OPCML: variants seen among roughly 807,000 people sequenced by gnomAD.
The protein encoded by OPCML is opioid-binding protein/cell adhesion molecule.
Under a neutral mutation model 37.8 loss-of-function variants are expected in OPCML, and 13 were observed. The observed-to-expected ratio is 0.34, with a 90% CI of 0.22 to 0.55. The LOEUF is 0.55. OPCML is among the 20% of genes least tolerant of loss of function. OPCML has a pLI of 0.91. For missense variants in OPCML, 341 were observed against 435.6 expected (o/e 0.78, Z 1.93); for synonymous variants, 176 against 168.8 (o/e 1.04, Z -0.33).
chr11:133,166,185 T>C (rs1950205671), intron 1 of OPCML, among the ~76,000 whole-genome samples: 2 of 152,184 alleles, frequency 1.3e-5, no homozygotes, highest in Non-Finnish European at 2.9e-5. Context: ...GAATGACCAA[T>C]GCCTACAAGA....
chr11:132,506,533 C>T (rs1940405), intron 4 of OPCML, among the ~76,000 whole-genome samples: 30,425 of 151,888 alleles, frequency 0.2, 3,141 homozygotes, highest in Non-Finnish European at 0.22. Context: ...CATGTAAACG[C>T]GGATTGTGAC....
At chr11:132,684,009 T>C (rs1168332957) in intron 2 of OPCML, among the ~76,000 whole-genome samples, 4 of 152,166 alleles carry the variant, frequency 2.6e-5, no homozygotes, top group African/African-American at 7.2e-5. Context: ...GTATTGACCC[T>C]TTTAGTATTA....
intron 1 of OPCML, among the ~76,000 whole-genome samples, chr11:133,019,989 A>G (rs767978715): frequency 2.0e-5 from 3 of 152,222 alleles, no homozygotes; most frequent in Non-Finnish European, 2.9e-5. Flanking sequence ...CACTGCTGCT[A>G]ATCGAAGCAG....
At chr11:133,194,747 A>G (rs999425867) in intron 1 of OPCML, among the ~76,000 whole-genome samples, 3 of 152,180 alleles carry the variant, frequency 2.0e-5, no homozygotes, top group East Asian at 1.9e-4. Flanking sequence ...ATCTATGCTA[A>G]TGACCTAGTC....
intron 3 of OPCML, among the ~76,000 whole-genome samples, chr11:132,636,091 G>A (rs142534862): frequency 1.3e-5 from 2 of 152,076 alleles, no homozygotes; most frequent in Non-Finnish European, 2.9e-5. Flanking sequence ...AGTGTTTTGC[G>A]CACCCAGTTA....
At chr11:132,652,841 T>C (rs891670524) in intron 3 of OPCML, among the ~76,000 whole-genome samples, 4 of 152,186 alleles carry the variant, frequency 2.6e-5, no homozygotes, top group Non-Finnish European at 5.9e-5. Context: ...GGAAGATGCT[T>C]TATGATCGCT....
intron 3 of OPCML, among the ~76,000 whole-genome samples, chr11:132,609,652 C>T (rs1458874584): frequency 4.6e-5 from 7 of 152,154 alleles, no homozygotes; most frequent in Non-Finnish European, 8.8e-5. Flanking sequence ...GTTGAAATGC[C>T]ACCCATCCAG....
intron 1 of OPCML, among the ~76,000 whole-genome samples, chr11:133,023,486 T>A (rs964430419): frequency 6.6e-6 from 1 of 152,156 alleles, no homozygotes; most frequent in African/African-American, 2.4e-5. Flanking sequence ...TCACTATCCA[T>A]CACCTTACCA....
At chr11:133,521,949 T>C (rs902683877) in intron 1 of OPCML, among the ~76,000 whole-genome samples, 1 of 152,196 alleles carries the variant, frequency 6.6e-6, no homozygotes, top group Non-Finnish European at 1.5e-5. Context: ...ATATCTGGCA[T>C]GGTTTTGAGT....
At chr11:133,509,047 G>A (rs922523933) in intron 1 of OPCML, among the ~76,000 whole-genome samples, 1 of 151,974 alleles carries the variant, frequency 6.6e-6, no homozygotes, top group Non-Finnish European at 1.5e-5. Context: ...CTGAAGCACT[G>A]TATTAATCTC....
chr11:132,693,566 A>T (rs1943486405), intron 2 of OPCML, among the ~76,000 whole-genome samples: 1 of 152,260 alleles, frequency 6.6e-6, no homozygotes, highest in Non-Finnish European at 1.5e-5. Context: ...CAGCTTAAGG[A>T]TGATGAAGCC....
chr11:132,882,871 A>T (rs1943267696), intron 2 of OPCML, among the ~76,000 whole-genome samples: 1 of 152,098 alleles, frequency 6.6e-6, no homozygotes, highest in Admixed American at 6.6e-5. Flanking sequence ...AGAGTAAAAA[A>T]CTCTGAAGAT....
At chr11:132,702,142 T>C (rs1943852367) in intron 2 of OPCML, among the ~76,000 whole-genome samples, 1 of 152,234 alleles carries the variant, frequency 6.6e-6, no homozygotes, top group Non-Finnish European at 1.5e-5. Context: ...GAATATGTTC[T>C]TACCTTTAGA....
At chr11:132,925,136 C>G (rs1944943797) in intron 2 of OPCML, among the ~76,000 whole-genome samples, 1 of 152,130 alleles carries the variant, frequency 6.6e-6, no homozygotes, top group South Asian at 2.1e-4. Flanking sequence ...TTAGAATTTC[C>G]ATCTCTCTGC....
At chr11:132,619,532 A>T (rs766618409) in intron 3 of OPCML, among the ~76,000 whole-genome samples, 1 of 152,062 alleles carries the variant, frequency 6.6e-6, no homozygotes, top group Non-Finnish European at 1.5e-5. Context: ...AGGAGCATGA[A>T]AGCATTGGTA....
At chr11:133,473,409 G>A (rs974847324) in intron 1 of OPCML, among the ~76,000 whole-genome samples, 4 of 152,078 alleles carry the variant, frequency 2.6e-5, no homozygotes, top group Non-Finnish European at 5.9e-5. Flanking sequence ...TGGCTAAATA[G>A]GTTTGCTGAC....
chr11:132,695,801 A>G lies in OPCML; in HGVS notation c.147-38482T>C, dbSNP rs143967848. ...ACAGGTGAGGGAGGATCAGCAGACA[A>G]GGACTTTCAAGAAAATCCTAGAAGT... On this transcript the variant is annotated intron_variant, in intron 2 of 7. Transcript: ENST00000524381. Among the ~76,000 whole-genome samples the G allele has an allele frequency of 3.1e-3, 474 of 152,332 alleles. 3 individuals are homozygous for G. Among genetic ancestry groups the G allele is most frequent in the Middle Eastern group, 0.01 (3 of 294 alleles).
chr11:132,628,093 G>T (rs1263368180), intron 3 of OPCML, among the ~76,000 whole-genome samples: 1 of 152,094 alleles, frequency 6.6e-6, no homozygotes, highest in Non-Finnish European at 1.5e-5. Flanking sequence ...TTAAAGATTA[G>T]ACTGCCCTAG....
intron 1 of OPCML, among the ~76,000 whole-genome samples, chr11:133,161,284 G>A (rs912242608): frequency 6.6e-6 from 1 of 152,222 alleles, no homozygotes; most frequent in East Asian, 1.9e-4. Flanking sequence ...TAATTCAACA[G>A]AGGAGATATC....
Sources: allele counts gnomAD v4.1 joint callset (sites outside exome capture counted in the v4.1 genomes callset), GRCh38; gene constraint gnomAD v4.1.1; transcripts MANE v1.5; gene names NCBI Gene and HGNC (gene_info 2026-07-23, HGNC 2026-07-21).